Variants in PRKDC observed in about 807,000 individuals in gnomAD.
PRKDC encodes protein kinase, DNA-activated, catalytic subunit, also known as DNA-dependent protein kinase catalytic subunit.
A neutral mutation model predicts 486.9 loss-of-function variants in PRKDC; 82 were observed. The observed-to-expected ratio is 0.17, with a 90% CI of 0.14 to 0.20. The LOEUF (loss-of-function observed/expected upper bound fraction) is 0.20, where lower values mean the gene tolerates loss of function less well. Ranked by LOEUF, PRKDC falls within the 10% of genes least tolerant of loss-of-function variation. The pLI, the probability that PRKDC is intolerant of heterozygous loss-of-function variation, is 1.00. For missense variants in PRKDC, 4,504 were observed against 5,038.2 expected (o/e 0.89, Z 3.21); for synonymous variants, 1,895 against 1,837.0 (o/e 1.03, Z -0.81).
chr8:47,892,361 C>G (rs2154501924), intron 31 of PRKDC, among the ~76,000 whole-genome samples: 1 of 152,218 alleles, frequency 6.6e-6, no homozygotes, highest in East Asian at 1.9e-4. Flanking sequence ...GACACGGTCT[C>G]ACTCTATCGC....
intron 74 of PRKDC, among the ~76,000 whole-genome samples, chr8:47,791,704 C>T (rs1057497562): frequency 6.6e-6 from 1 of 152,036 alleles, no homozygotes; most frequent in Non-Finnish European, 1.5e-5. Context: ...CCAGCAATAA[C>T]GAATGCTGGT....
chr8:47,939,266 T>C (rs573875347), intron 11 of PRKDC, among the ~76,000 whole-genome samples: 2 of 152,302 alleles, frequency 1.3e-5, no homozygotes, highest in African/African-American at 4.8e-5. Flanking sequence ...CTCCTCAGTA[T>C]ACCTAAATCC....
intron 40 of PRKDC, among the ~76,000 whole-genome samples, chr8:47,865,390 A>G (rs557530685): frequency 6.6e-6 from 1 of 152,284 alleles, no homozygotes; most frequent in East Asian, 1.9e-4. Flanking sequence ...TCAAAAAAAA[A>G]AAAAAAATTC....
chr8:47,928,654 G>A (rs1397119309), intron 19 of PRKDC, among the ~76,000 whole-genome samples: 1 of 151,630 alleles, frequency 6.6e-6, no homozygotes, highest in African/African-American at 2.4e-5. Flanking sequence ...CCGGGTTCAA[G>A]CGATTCTCCT....
chr8:47,827,480 C>T (rs1228184022), intron 62 of PRKDC, among the ~76,000 whole-genome samples: 1 of 152,166 alleles, frequency 6.6e-6, no homozygotes, highest in Non-Finnish European at 1.5e-5. Flanking sequence ...TTCTGACAAA[C>T]ATATTTAAGT....
chr8:47,778,782 T>G lies in PRKDC; in HGVS notation c.11597A>C (p.Glu3866Ala), dbSNP rs2086650920. 6.2e-7 allele frequency: 1 copy of G among 1,613,628 alleles called. No individual in the cohort carries two copies. Among genetic ancestry groups the G allele is most frequent in the South Asian group, 1.1e-5 (1 of 91,038 alleles). The change falls in exon 82 of 86, where the codon GAA becomes GCA. Residue 3866 changes from glutamate to alanine, a missense_variant. By Grantham distance (107) the Glu-to-Ala change is moderately radical. Coordinates refer to ENST00000314191, the MANE Select transcript of PRKDC (RefSeq NM_006904.7). ...MLMYKGANRT[E>A]TVTSFRKRES... ...TCGTTTTCTAAAAGACGTGACTGTT[T>G]CAGTACGATTAGCGCCCCTATGATT...
intron 54 of PRKDC, among the ~76,000 whole-genome samples, chr8:47,845,934 A>T (rs1186545917): frequency 1.3e-5 from 2 of 152,240 alleles, no homozygotes; most frequent in Non-Finnish European, 2.9e-5. Flanking sequence ...ATCCTCAACG[A>T]AATACTAGCA....
chr8:47,940,707 G>A (rs1490416767), intron 10 of PRKDC, among the ~76,000 whole-genome samples: 1 of 152,176 alleles, frequency 6.6e-6, no homozygotes, highest in Non-Finnish European at 1.5e-5. Flanking sequence ...CAGTAAGCAT[G>A]TTTTTAACGC....
chr8:47,807,347 C>A (rs758050184), intron 68 of PRKDC, 21 bp from the exon 69 acceptor site: 2 of 1,514,508 alleles, frequency 1.3e-6, no homozygotes, highest in South Asian at 1.3e-5. Flanking sequence ...AAAAATGAGA[C>A]AATGTCACAG....
chr8:47,820,703 T>C lies in PRKDC; in HGVS notation c.9336+16A>G. 1 of 1,298,444 alleles carries C rather than the reference T, an allele frequency of 7.7e-7. No homozygotes were observed. The highest frequency in any genetic ancestry group is 2.3e-5 in the Admixed American group (1 of 43,424). 80.4% of individuals were successfully genotyped at this position (1,298,444 alleles called of 1,614,324 possible). ...CTATATATATACAAGCATATATATA[T>C]AATATATAGTATTACCTGCATAAAA... On this transcript the variant is annotated intron_variant, in intron 66 of 85. Coordinates refer to ENST00000314191, the MANE Select transcript of PRKDC (RefSeq NM_006904.7).
In PRKDC at chr8:47,777,010, G is replaced by A. The variant is rs575632287; in HGVS notation, c.12043-27C>T. On this transcript the variant is annotated intron_variant, in intron 84 of 85. Transcript: ENST00000314191. ...TAGAAGAAAAGAACATGATTTTCCCGGCTGATCATAATGGTATATACAATC... is the reference window on the plus strand; with the variant it reads ...TAGAAGAAAAGAACATGATTTTCCCAGCTGATCATAATGGTATATACAATC... The A allele has an allele frequency of 3.9e-5, 63 of 1,602,308 alleles. No homozygotes were observed. In the South Asian group the frequency reaches 5.3e-4, roughly 13 times the overall value.
At chr8:47,888,323 C>A (rs2089379721) in intron 34 of PRKDC, among the ~76,000 whole-genome samples, 195 bp downstream of exon 34, 1 of 152,116 alleles carries the variant, frequency 6.6e-6, no homozygotes, top group African/African-American at 2.4e-5. Flanking sequence ...TAAATTTTTA[C>A]ATTTGCTTTC....
At position 47,858,837 on chromosome 8, in the gene PRKDC, T is replaced by C; in HGVS notation, c.6345+12A>G. 2 of 1,610,922 alleles carry C rather than the reference T, an allele frequency of 1.2e-6. No individual in the cohort carries two copies. The highest frequency in any genetic ancestry group is 1.3e-5 in the African/African-American group (1 of 74,872). On this transcript the variant is annotated intron_variant, in intron 47 of 85. Transcript: ENST00000314191. The stretch of plus-strand genomic sequence containing the variant: ...ATATAGTATTAACAGGTAAGATGAG[T>C]GGGAAAAGCACCTCTTCTCCTTGAG...
chr8:47,930,524 G>A (rs1346133423), intron 17 of PRKDC, 148 bp downstream of exon 17: 17 of 670,298 alleles, frequency 2.5e-5, no homozygotes, highest in East Asian at 1.6e-4. Context: ...CACCTGCCTC[G>A]GCCTCCCAAA....
chr8:47,904,698 CAGG>C (rs2089742371), intron 26 of PRKDC, among the ~76,000 whole-genome samples, 168 bp downstream of exon 26: 1 of 152,180 alleles, frequency 6.6e-6, no homozygotes, highest in Non-Finnish European at 1.5e-5. Context: ...GAGGCTGAGA[CAGG>C]AGAATTGCTT....
rs773553251 is a variant in PRKDC, at chr8:47,936,449, C to G, written c.1182G>C (p.Gln394His). The G allele has an allele frequency of 5.0e-6, 8 of 1,613,932 alleles. No homozygotes were observed. Reference sequence around the variant, plus strand: ...CAGTGTCTGTCTGGGTGAGGAACATCTGCTTGCAGCGCTGAATGAGCTCAA... The same window carrying G: ...CAGTGTCTGTCTGGGTGAGGAACATGTGCTTGCAGCGCTGAATGAGCTCAA... The part of the protein sequence containing the change: ...MYVELIQRCK[Q>H]MFLTQTDTGD... The change falls in exon 12 of 86, where the codon CAG becomes CAC. Residue 394 changes from glutamine (Q) to histidine (H), a missense_variant. By Grantham distance (24) the Gln-to-His change is conservative. This residue lies in a region of PRKDC where 1,969 missense variants were observed against 2,068.9 expected (regional missense o/e 0.95). Coordinates refer to ENST00000314191, the MANE Select transcript of PRKDC (RefSeq NM_006904.7).
intron 80 of PRKDC, among the ~76,000 whole-genome samples, chr8:47,781,220 A>C (rs1330352596): frequency 6.6e-6 from 1 of 152,194 alleles, no homozygotes; most frequent in Admixed American, 6.5e-5. Context: ...GCAATTTGTG[A>C]GACTCCAGGA....
At chr8:47,844,810 G>C (rs1340067886) in intron 54 of PRKDC, among the ~76,000 whole-genome samples, 1 of 152,014 alleles carries the variant, frequency 6.6e-6, no homozygotes, top group Non-Finnish European at 1.5e-5. Context: ...CAAAATTAAG[G>C]CAAGAATCAA....
At chr8:47,869,104 C>A (rs2088886164) in intron 40 of PRKDC, among the ~76,000 whole-genome samples, 1 of 152,146 alleles carries the variant, frequency 6.6e-6, no homozygotes. Flanking sequence ...AAGATGACAA[C>A]AATTGCAATT....
Sources: allele counts gnomAD v4.1 joint callset (sites outside exome capture counted in the v4.1 genomes callset), GRCh38; gene constraint gnomAD v4.1.1; regional missense constraint gnomAD v4.1.1; transcripts MANE v1.5; gene names NCBI Gene and HGNC (gene_info 2026-07-23, HGNC 2026-07-21).